CNKSR3: variants seen among roughly 807,000 people sequenced by gnomAD.
The protein encoded by CNKSR3 is CNKSR family member 3, also known as connector enhancer of kinase suppressor of ras 3.
In CNKSR3, 36 loss-of-function variants were observed where a neutral mutation model predicts 67.7. The ratio of observed to expected loss-of-function variants is 0.53; its 90% confidence interval spans 0.41 to 0.70. CNKSR3 has a LOEUF of 0.70. Among genes scored for constraint, CNKSR3 ranks in the 30% least tolerant of loss-of-function variants. CNKSR3 has a pLI of 0.00. For synonymous variants in CNKSR3, 281 were observed against 271.4 expected (o/e 1.04, Z -0.35); for missense variants, 630 against 695.2 (o/e 0.91, Z 1.05).
chr6:154,435,850 G>A (rs1785460387), intron 4 of CNKSR3, among the ~76,000 whole-genome samples: 2 of 152,222 alleles, frequency 1.3e-5, no homozygotes, highest in East Asian at 3.8e-4. Context: ...ACTTCTCTGA[G>A]CCTTAGTTTC....
intron 1 of CNKSR3, 41 bp downstream of exon 1, chr6:154,510,022 C>A (rs1344817023): frequency 1.2e-6 from 2 of 1,611,462 alleles, no homozygotes; most frequent in African/African-American, 1.3e-5. Flanking sequence ...CGCCCCATCC[C>A]CGAGGCTGGA....
intron 9 of CNKSR3, among the ~76,000 whole-genome samples, chr6:154,417,352 GT>G (rs1227922051): frequency 6.6e-5 from 10 of 152,310 alleles, no homozygotes; most frequent in African/African-American, 2.4e-4. Flanking sequence ...AACTGAAGTG[GT>G]TCAACTCAGA....
At chr6:154,411,185 G>T in intron 10 of CNKSR3, 43 bp from the exon 11 acceptor site, 1 of 1,396,176 alleles carries the variant, frequency 7.2e-7, no homozygotes, top group Non-Finnish European at 1.0e-6. Flanking sequence ...TTACAAAGAT[G>T]TTCTCATACT....
chr6:154,482,912 C>T (rs746484502), intron 1 of CNKSR3, among the ~76,000 whole-genome samples: 1 of 152,176 alleles, frequency 6.6e-6, no homozygotes, highest in South Asian at 2.1e-4. Flanking sequence ...TGATTTTCCA[C>T]TAATATTCCT....
rs71021054 is a variant in CNKSR3, at chr6:154,454,104, CAGAGAGAGAGAGAGAG to C, written c.53-3862_53-3847del. On this transcript the variant is annotated intron_variant, in intron 1 of 12. Transcript: ENST00000607772. ...GAAAACACACACACACACACACACACAGAGAGAGAGAGAGAGAGAGAGAGAGAGAGAGAGAGAGAGA... is the reference window on the plus strand; with the variant it reads ...GAAAACACACACACACACACACACACAGAGAGAGAGAGAGAGAGAGAGAGA... Among the ~76,000 whole-genome samples, 1,081 of 116,304 alleles carry C rather than the reference CAGAGAGAGAGAGAGAG, an allele frequency of 9.3e-3. 22 individuals are homozygous for C. The highest frequency in any genetic ancestry group is 0.012 in the Non-Finnish European group (701 of 56,116). The allele number at this position is 116,304 out of a possible 152,430, so 76.3% of individuals were successfully genotyped here. A position where few individuals can be genotyped will look rare whatever the true frequency, so the allele number is the denominator to read the frequency against.
chr6:154,454,124 G>C (rs367853189), intron 1 of CNKSR3, among the ~76,000 whole-genome samples: 97,228 of 141,778 alleles, frequency 0.69, 33,795 homozygotes, highest in East Asian at 0.87. Context: ...GAGAGAGAGA[G>C]AGAGAGAGAG....
At chr6:154,451,312 T>C (rs1345344574) in intron 1 of CNKSR3, among the ~76,000 whole-genome samples, 7 of 152,254 alleles carry the variant, frequency 4.6e-5, no homozygotes, top group East Asian at 1.9e-4. Context: ...AATTGATCTA[T>C]TGAAGCCTAA....
intron 1 of CNKSR3, among the ~76,000 whole-genome samples, chr6:154,502,996 G>T (rs1787029005): frequency 6.6e-6 from 1 of 152,160 alleles, no homozygotes. Flanking sequence ...AGCAGGAGTT[G>T]TCACTTGCCA....
At chr6:154,412,944 A>C (rs1032362409) in intron 10 of CNKSR3, among the ~76,000 whole-genome samples, 1 of 152,190 alleles carries the variant, frequency 6.6e-6, no homozygotes, top group African/African-American at 2.4e-5. Flanking sequence ...ACCCAGACCC[A>C]ATACTCAGGA....
At chr6:154,417,749 GAGA>G (rs1785052345) in intron 9 of CNKSR3, among the ~76,000 whole-genome samples, 1 of 152,140 alleles carries the variant, frequency 6.6e-6, no homozygotes, top group Non-Finnish European at 1.5e-5. Context: ...AAGACCACAC[GAGA>G]ACAGAGGAAG....
chr6:154,445,015 CT>C (rs112843346), intron 2 of CNKSR3, among the ~76,000 whole-genome samples: 9,356 of 145,208 alleles, frequency 0.064, 315 homozygotes, highest in African/African-American at 0.085. Flanking sequence ...AGGTAAGAAA[CT>C]TTTTTTTTTT....
At chr6:154,483,170 A>T (rs981448230) in intron 1 of CNKSR3, among the ~76,000 whole-genome samples, 4 of 152,168 alleles carry the variant, frequency 2.6e-5, no homozygotes, top group Admixed American at 6.5e-5. Context: ...CATTCTCCCT[A>T]ACCCTTCCTC....
chr6:154,434,440 T>C (rs926733917), intron 4 of CNKSR3, among the ~76,000 whole-genome samples: 1 of 152,252 alleles, frequency 6.6e-6, no homozygotes, highest in Non-Finnish European at 1.5e-5. Flanking sequence ...GACAAAATGT[T>C]AATCAACTGT....
Position 154,393,288 on chromosome 6 carries a change from T to C in CNKSR3, c.*13066A>G, listed in dbSNP as rs983609834. On this transcript the variant is annotated 3_prime_UTR_variant, in exon 13 of 13. Transcript: ENST00000607772. Reference sequence around the variant, plus strand: ...AGTCATAGGGTATGTGAATACTCACTGCTAATTTAACCTCATACACATAAT... The same window carrying C: ...AGTCATAGGGTATGTGAATACTCACCGCTAATTTAACCTCATACACATAAT... The C allele has an allele frequency of 1.3e-5, 2 of 152,200 alleles. No homozygotes were observed. The highest frequency in any genetic ancestry group is 2.9e-5 in the Non-Finnish European group (2 of 68,030). 9.4% of individuals were successfully genotyped at this position (152,200 alleles called of 1,614,324 possible). A position where few individuals can be genotyped will look rare whatever the true frequency, so the allele number is the denominator to read the frequency against.
rs1784784737 is a variant in CNKSR3, at chr6:154,406,229, CA to C, written c.*124del. 3.3e-6 allele frequency: 3 copies of C among 922,078 alleles called. No homozygotes were observed. The highest frequency in any genetic ancestry group is 4.8e-6 in the Non-Finnish European group (3 of 620,876). The allele number at this position is 922,078 out of a possible 1,614,324, so 57.1% of individuals were successfully genotyped here. On this transcript the variant is annotated 3_prime_UTR_variant, in exon 13 of 13. Transcript: ENST00000607772. ...CCAAGAAGGGCAGTAGATAACTTTT[CA>C]AAAGAAAAAGAAATTGCATAAGGTC...
intron 1 of CNKSR3, among the ~76,000 whole-genome samples, chr6:154,500,854 C>G (rs918253412): frequency 6.6e-6 from 1 of 152,206 alleles, no homozygotes; most frequent in Non-Finnish European, 1.5e-5. Flanking sequence ...ATTTGCCCTT[C>G]TGATCCCAGG....
chr6:154,491,684 A>G (rs531415024), intron 1 of CNKSR3, among the ~76,000 whole-genome samples: 2 of 152,350 alleles, frequency 1.3e-5, no homozygotes, highest in Admixed American at 1.3e-4. Context: ...GTGAAAAAAA[A>G]AAATGAAGAG....
rs560735131 is a variant in CNKSR3, at chr6:154,509,991, C to A, written c.52+72G>T. On this transcript the variant is annotated intron_variant, in intron 1 of 12. Transcript: ENST00000607772. ...CTCGCCGGGAGGAAGGGCCAAGTAC[C>A]CTCTTCCCCAGCTCCTCGTCCGCCC... The A allele has an allele frequency of 6.1e-5, 94 of 1,547,862 alleles. 4 individuals carry two copies. In the South Asian group the frequency reaches 1.0e-3, roughly 17 times the overall value.
chr6:154,498,901 T>C (rs2114656988), intron 1 of CNKSR3, among the ~76,000 whole-genome samples: 1 of 152,368 alleles, frequency 6.6e-6, no homozygotes, highest in East Asian at 1.9e-4. Context: ...ACCTGAGTGC[T>C]AAGTGAGGAA....
Sources: allele counts gnomAD v4.1 joint callset (sites outside exome capture counted in the v4.1 genomes callset), GRCh38; gene constraint gnomAD v4.1.1; transcripts MANE v1.5; gene names NCBI Gene and HGNC (gene_info 2026-07-23, HGNC 2026-07-21).